Variants in BCL9L observed in about 807,000 individuals in gnomAD.
BCL9L encodes B-cell CLL/lymphoma 9-like protein.
A neutral mutation model predicts 99.4 loss-of-function variants in BCL9L; 19 were observed. The observed-to-expected ratio is 0.19, with a 90% CI of 0.13 to 0.28. The LOEUF is 0.28. BCL9L is among the 10% of genes least tolerant of loss of function. BCL9L has a pLI of 1.00. For synonymous variants in BCL9L, 900 were observed against 854.8 expected, an observed-to-expected ratio of 1.05 and a Z score of -0.92; for missense variants, 2,023 against 2,101.6, an observed-to-expected ratio of 0.96 and a Z score of 0.73.
rs751406684 is a variant in BCL9L, at chr11:118,917,939, C to T, written c.-77+887G>A. Among the ~76,000 whole-genome samples the T allele has an allele frequency of 3.9e-5, 6 of 152,146 alleles. No homozygotes were observed. The East Asian group carries it at 7.7e-4, about 20-fold the overall frequency. ...GGGTCAAAGGTCAAGTGGGACTCAC[C>T]GGTGAGGGTGGAGTCCCAGCCCTGC... On this transcript the variant is annotated intron_variant, in intron 2 of 9. Transcript: ENST00000683865.
In BCL9L at chr11:118,897,387, G is replaced by C. The variant is rs544836957; in HGVS notation, c.*1028C>G. 2 of 194,396 alleles carry C rather than the reference G, an allele frequency of 1.0e-5. No individual in the cohort carries two copies. Among genetic ancestry groups the C allele is most frequent in the South Asian group, 1.4e-4 (2 of 14,120 alleles). The allele number at this position is 194,396 out of a possible 1,614,324, so 12.0% of individuals were successfully genotyped here. A position where few individuals can be genotyped will look rare whatever the true frequency, so the allele number is the denominator to read the frequency against. On this transcript the variant is annotated 3_prime_UTR_variant, in exon 10 of 10. Coordinates refer to ENST00000683865, the MANE Select transcript of BCL9L (RefSeq NM_001378213.1). ...CTGGGACAAAAGACTTCAAGTTCTG[G>C]CTAAGATGTAGCAGCAGCGGATGCC...
chr11:118,924,619 C>G (rs1308925475), intron 1 of BCL9L, among the ~76,000 whole-genome samples: 1 of 152,138 alleles, frequency 6.6e-6, no homozygotes, highest in Non-Finnish European at 1.5e-5. Flanking sequence ...ACATTCTTCC[C>G]CGAGGGTTCC....
At position 118,898,409 on chromosome 11, in the gene BCL9L, C is replaced by T. The variant is rs375604809; in HGVS notation, c.*6G>A. ...ATTGCCCCGGCTCCAGCCCTGGCAG[C>T]GACTTCTAGAAGGGCAGGTTGGCCA... On this transcript the variant is annotated 3_prime_UTR_variant, in exon 10 of 10. Transcript: ENST00000683865. The T allele has an allele frequency of 5.0e-6, 8 of 1,591,274 alleles. No individual in the cohort carries two copies. The highest frequency in any genetic ancestry group is 2.3e-5 in the East Asian group (1 of 44,400).
intron 5 of BCL9L, among the ~76,000 whole-genome samples, chr11:118,905,853 T>C (rs1311089342): frequency 6.6e-6 from 1 of 151,774 alleles, no homozygotes; most frequent in African/African-American, 2.4e-5. Flanking sequence ...TAAAAGAATC[T>C]AAGGGTAGTA....
At position 118,908,607 on chromosome 11, in the gene BCL9L, G is replaced by A; in HGVS notation, c.75C>T (p.Ser25=). The change falls in exon 4 of 10, where the codon TCC becomes TCT. Residue 25 remains serine (S), a synonymous_variant. Transcript: ENST00000683865. ...RREAPGSPPL[S]PRGHCPPAPA... is the part of the protein sequence containing the mutation. Reference sequence around the variant, plus strand: ...GGGCAGGGGGGCAATGACCGCGGGGGGACAGCGGCGGGCTCCCTGGAGCTT... The same window carrying A: ...GGGCAGGGGGGCAATGACCGCGGGGAGACAGCGGCGGGCTCCCTGGAGCTT... The A allele has an allele frequency of 1.2e-6, 2 of 1,613,044 alleles. No individual in the cohort carries two copies. Among genetic ancestry groups the A allele is most frequent in the Non-Finnish European group, 1.7e-6 (2 of 1,179,838 alleles).
rs1591974260 is a variant in BCL9L, at chr11:118,899,184, C to T, written c.3731G>A (p.Gly1244Asp). Residue 1244 changes from glycine to aspartate, a missense_variant, in exon 10 of 10, where the codon GGT (glycine) becomes GAT (aspartate). Around this residue, in one of 3 missense-constraint regions of BCL9L, gnomAD observed 902 missense variants for 888.2 expected, o/e 1.02. Coordinates refer to ENST00000683865, the MANE Select transcript of BCL9L (RefSeq NM_001378213.1). ...CTGCAGGCCAGGCCCCCCGCCCCCACCCCCAGTGGGGGCCATGGCACCATG... is the reference window on the plus strand; with the variant it reads ...CTGCAGGCCAGGCCCCCCGCCCCCATCCCCAGTGGGGGCCATGGCACCATG... ...QPHGAMAPTG[G>D]GGGGPGLQQH... The T allele has an allele frequency of 6.7e-7, 1 of 1,490,306 alleles. No individual in the cohort carries two copies. The highest frequency in any genetic ancestry group is 2.4e-5 in the East Asian group (1 of 41,570). 92.3% of individuals were successfully genotyped at this position (1,490,306 alleles called of 1,614,324 possible).
chr11:118,906,444 CCT>C (rs1338178582), intron 5 of BCL9L, among the ~76,000 whole-genome samples: 8 of 152,282 alleles, frequency 5.3e-5, no homozygotes, highest in East Asian at 1.9e-4. Context: ...CCTCTACACC[CCT>C]GTCACAGACA....
intron 1 of BCL9L, among the ~76,000 whole-genome samples, chr11:118,924,231 G>A (rs541462283): frequency 1.3e-5 from 2 of 152,166 alleles, no homozygotes; most frequent in African/African-American, 2.4e-5. Flanking sequence ...AAGATCCAGG[G>A]AGGCTTGGAA....
chr11:118,920,465 T>C (rs892756459), intron 1 of BCL9L, among the ~76,000 whole-genome samples: 4 of 152,158 alleles, frequency 2.6e-5, no homozygotes, highest in African/African-American at 9.7e-5. Flanking sequence ...GCTGGAAATA[T>C]GAGTGTCTTC....
At chr11:118,907,957 T>C (rs1940598007) in intron 4 of BCL9L, among the ~76,000 whole-genome samples, 3 of 152,078 alleles carry the variant, frequency 2.0e-5, no homozygotes, top group South Asian at 2.1e-4. Flanking sequence ...CTCCTGGAAG[T>C]GTGTGGGTCT....
intron 5 of BCL9L, among the ~76,000 whole-genome samples, chr11:118,906,105 G>T (rs1417789079): frequency 1.3e-5 from 2 of 151,556 alleles, no homozygotes; most frequent in Non-Finnish European, 2.9e-5. Context: ...GAGATGGGAG[G>T]ATCACTTGAG....
intron 4 of BCL9L, 146 bp from the exon 5 acceptor site, chr11:118,907,748 G>T: frequency 7.8e-7 from 1 of 1,279,120 alleles, no homozygotes; most frequent in Non-Finnish European, 1.1e-6. Flanking sequence ...CCAGCCCGTG[G>T]CCCCCACCAC....
chr11:118,914,377 A>G lies in BCL9L; in HGVS notation c.-76-4362T>C, dbSNP rs940288782. Among the ~76,000 whole-genome samples the G allele has an allele frequency of 4.6e-5, 7 of 152,134 alleles. No individual in the cohort carries two copies. The highest frequency in any genetic ancestry group is 1.7e-4 in the African/African-American group (7 of 41,426). On this transcript the variant is annotated intron_variant, in intron 2 of 9. Transcript: ENST00000683865. The surrounding 1 kb of genome is among the most constrained non-coding windows in gnomAD (Gnocchi z 4.4). ...AGCGCACCACGGTGGGACCTCACCCAGCGCCCGCCCGCCTGCCTGCCTGCT... is the reference window on the plus strand; with the variant it reads ...AGCGCACCACGGTGGGACCTCACCCGGCGCCCGCCCGCCTGCCTGCCTGCT...
intron 2 of BCL9L, among the ~76,000 whole-genome samples, chr11:118,911,505 C>T (rs942933436): frequency 6.6e-6 from 1 of 152,230 alleles, no homozygotes; most frequent in African/African-American, 2.4e-5. Context: ...CCCGCCACCC[C>T]CAGCTTCTCC....
chr11:118,901,918 G>T lies in BCL9L; in HGVS notation c.1825C>A (p.Gln609Lys). 6.2e-7 allele frequency: 1 copy of T among 1,613,546 alleles called. No individual in the cohort carries two copies. Among genetic ancestry groups the T allele is most frequent in the Non-Finnish European group, 8.5e-7 (1 of 1,179,750 alleles). The change falls in exon 8 of 10, where the codon CAA becomes AAA. Residue 609 changes from glutamine (Q) to lysine (K), a missense_variant. Gln to Lys is a moderately conservative substitution (Grantham distance 53). Transcript: ENST00000683865. The surrounding 1 kb of genome is among the most constrained non-coding windows in gnomAD (Gnocchi z 6.6). ...PGPRFPGNQI[Q>K]RVPGFGGMQS... Reference sequence around the variant, plus strand: ...ATGCCCCCAAACCCAGGTACCCGTTGTATCTGGTTGCCTGGGAAACGGGGC... The same window carrying T: ...ATGCCCCCAAACCCAGGTACCCGTTTTATCTGGTTGCCTGGGAAACGGGGC...
In BCL9L at chr11:118,903,268, G is replaced by A. The variant is rs368576803; in HGVS notation, c.717C>T (p.Phe239=). The change falls in exon 6 of 10, where the codon TTC becomes TTT. Residue 239 remains phenylalanine (F), a synonymous_variant. Coordinates refer to ENST00000683865, the MANE Select transcript of BCL9L (RefSeq NM_001378213.1). The surrounding 1 kb of genome is among the most constrained non-coding windows in gnomAD (Gnocchi z 5.6). The part of the protein sequence containing the change: ...GGVPGKPPSQ[F]VYVFTTHLAN... ...CCAGGTGGGTGGTGAAGACATATAC[G>A]AACTGCGAGGGAGGCTTTCCGGGGA... 1.8e-5 allele frequency: 29 copies of A among 1,586,850 alleles called. No individual in the cohort carries two copies. The highest frequency in any genetic ancestry group is 1.7e-4 in the South Asian group (15 of 87,252).
At position 118,901,326 on chromosome 11, in the gene BCL9L, A is replaced by G. The variant is rs748127006; in HGVS notation, c.2417T>C (p.Leu806Ser). Residue 806 changes from leucine (L) to serine (S), a missense_variant, in exon 8 of 10, where the codon TTG (leucine) becomes TCG (serine). This residue lies in a region of BCL9L where 1,116 missense variants were observed against 1,194.6 expected (regional missense o/e 0.93). Transcript: ENST00000683865. This position sits in a 1 kb window ranked among gnomAD's most constrained non-coding sequence, Gnocchi z 6.6. Reference protein sequence around the residue: ...MSQKMRGPGDLMGPQGLSPEE... With the variant: ...MSQKMRGPGDSMGPQGLSPEE... ...AGGACTGAGGCCCTGGGGCCCCATCAAGTCCCCAGGGCCCCGCATCTTCTG... is the reference window on the plus strand; with the variant it reads ...AGGACTGAGGCCCTGGGGCCCCATCGAGTCCCCAGGGCCCCGCATCTTCTG... 1.5e-4 allele frequency: 242 copies of G among 1,613,424 alleles called. 1 individual carries two copies. The highest frequency in any genetic ancestry group is 6.6e-5 in the Non-Finnish European group (78 of 1,179,876).
At position 118,908,638 on chromosome 11, in the gene BCL9L, C is replaced by T. The variant is rs1380810787; in HGVS notation, c.44G>A (p.Arg15Lys). Residue 15 changes from arginine to lysine, a missense_variant, in exon 4 of 10, where the codon AGG (arginine) becomes AAG (lysine). Arg to Lys is a conservative substitution (Grantham distance 26, BLOSUM62 2). This residue lies in a region of BCL9L where 1,116 missense variants were observed against 1,194.6 expected (regional missense o/e 0.93). Coordinates refer to ENST00000683865, the MANE Select transcript of BCL9L (RefSeq NM_001378213.1). ...CGGCGGGCTCCCTGGAGCTTCTCTC[C>T]TCCTGGGGTGGGGTAACCTGGGAGG... ...ANKTRLPHPR[R>K]REAPGSPPLS... 7 of 1,610,832 alleles carry T rather than the reference C, an allele frequency of 4.3e-6. No individual in the cohort carries two copies. Among genetic ancestry groups the T allele is most frequent in the South Asian group, 2.2e-5 (2 of 91,042 alleles).
chr11:118,903,308 C>T lies in BCL9L; in HGVS notation c.677G>A (p.Gly226Asp), dbSNP rs1352256741. The T allele has an allele frequency of 9.5e-6, 15 of 1,575,502 alleles. No homozygotes were observed. The highest frequency in any genetic ancestry group is 8.1e-5 in the African/African-American group (6 of 74,318). The change falls in exon 6 of 10, where the codon GGC becomes GAC. Residue 226 changes from glycine (G) to aspartate (D), a missense_variant. By Grantham distance (94) the Gly-to-Asp change is moderately conservative. Transcript: ENST00000683865. The surrounding 1 kb of genome is among the most constrained non-coding windows in gnomAD (Gnocchi z 5.6). ...GLRPDAPGGGGGGGGVPGKPP... is the reference protein window; with the variant it reads ...GLRPDAPGGGDGGGGVPGKPP... ...CTTTCCGGGGACGCCCCCGCCCCCG[C>T]CCCCGCCCCCAGGGGCATCAGGCCG...
Sources: allele counts gnomAD v4.1 joint callset (sites outside exome capture counted in the v4.1 genomes callset), GRCh38; gene constraint gnomAD v4.1.1; regional missense constraint gnomAD v4.1.1; non-coding constraint Gnocchi (gnomAD v3.1); transcripts MANE v1.5; gene names NCBI Gene and HGNC (gene_info 2026-07-23, HGNC 2026-07-21).